The following NXPE2 variants were observed in gnomAD, a reference collection of about 807,000 sequenced individuals.
NXPE2 encodes NXPE family member 2.
A neutral mutation model predicts 34.4 loss-of-function variants in NXPE2; 34 were observed. That is an observed-to-expected ratio of 0.99 (90% CI 0.75 to 1.31). NXPE2 has a LOEUF of 1.31. Among genes scored for constraint, NXPE2 ranks in the 40% most tolerant of loss-of-function variants. The pLI is 0.00. For synonymous variants in NXPE2, 235 were observed against 231.3 expected, an observed-to-expected ratio of 1.02 and a Z score of -0.15; for missense variants, 649 against 672.5, an observed-to-expected ratio of 0.97 and a Z score of 0.39.
intron 2 of NXPE2, among the ~76,000 whole-genome samples, chr11:114,680,748 A>G (rs1950936970): frequency 6.6e-6 from 1 of 152,190 alleles, no homozygotes; most frequent in African/African-American, 2.4e-5. Flanking sequence ...CAAAGTATTA[A>G]CAAGCTCCTC....
intron 2 of NXPE2, among the ~76,000 whole-genome samples, chr11:114,685,774 T>C (rs190660548): frequency 6.6e-6 from 1 of 152,284 alleles, no homozygotes; most frequent in Admixed American, 6.5e-5. Context: ...CTATGCCTAA[T>C]TTTAAGGGTC....
the NXPE2 span, among the ~76,000 whole-genome samples, chr11:114,472,952 T>C: frequency 6.6e-6 from 1 of 152,190 alleles, no homozygotes; most frequent in Admixed American, 6.5e-5. Context: ...CAAAGAGGTT[T>C]TTGAGCAAGT....
the NXPE2 span, among the ~76,000 whole-genome samples, chr11:114,494,010 A>G: frequency 1.3e-5 from 2 of 152,070 alleles, no homozygotes; most frequent in Non-Finnish European, 2.9e-5. Flanking sequence ...TCAGCACTGA[A>G]TATGTTATGC....
At chr11:114,602,824 AATT>A in the NXPE2 span, among the ~76,000 whole-genome samples, 2 of 146,796 alleles carry the variant, frequency 1.4e-5, no homozygotes, top group African/African-American at 2.5e-5. Context: ...CATATATAAT[AATT>A]ATCTCATATA....
chr11:114,592,639 C>T, the NXPE2 span, among the ~76,000 whole-genome samples: 2 of 152,022 alleles, frequency 1.3e-5, no homozygotes, highest in Non-Finnish European at 2.9e-5. Flanking sequence ...CAAACCCTAT[C>T]AAAATACCAA....
At chr11:114,497,687 G>A in the NXPE2 span, among the ~76,000 whole-genome samples, 1 of 152,180 alleles carries the variant, frequency 6.6e-6, no homozygotes, top group Non-Finnish European at 1.5e-5. Flanking sequence ...AACATTGCTT[G>A]ATGCATTTCT....
At chr11:114,531,314 A>T in the NXPE2 span, among the ~76,000 whole-genome samples, 3 of 152,146 alleles carry the variant, frequency 2.0e-5, no homozygotes, top group South Asian at 6.2e-4. Flanking sequence ...TATGCCTTAC[A>T]TCCAGTAACA....
At chr11:114,790,858 TGTCCCTGAAGA>T in the NXPE2 span, among the ~76,000 whole-genome samples, 1 of 152,128 alleles carries the variant, frequency 6.6e-6, no homozygotes, top group African/African-American at 2.4e-5. Context: ...TCCCCCTCCC[TGTCCCTGAAGA>T]GTCCCCCAGG....
At chr11:114,665,787 T>C in the NXPE2 span, among the ~76,000 whole-genome samples, 3 of 152,148 alleles carry the variant, frequency 2.0e-5, no homozygotes, top group African/African-American at 7.2e-5. Flanking sequence ...GGTTTAAAGT[T>C]TCTCCTTGGA....
chr11:114,507,524 C>T, the NXPE2 span, among the ~76,000 whole-genome samples: 22,065 of 152,098 alleles, frequency 0.15, 1,776 homozygotes, highest in South Asian at 0.23. Context: ...TACAGCAGCA[C>T]ATCAAAAAGC....
chr11:114,667,801 C>T, the NXPE2 span, among the ~76,000 whole-genome samples: 1 of 152,130 alleles, frequency 6.6e-6, no homozygotes, highest in Non-Finnish European at 1.5e-5. Context: ...ATGAGCGTAT[C>T]TCCAGCTGCC....
chr11:114,494,687 T>C, the NXPE2 span, among the ~76,000 whole-genome samples: 2 of 152,212 alleles, frequency 1.3e-5, no homozygotes, highest in Non-Finnish European at 2.9e-5. Flanking sequence ...TCTCTTCCTC[T>C]CTGGGATTTG....
chr11:114,560,298 T>G, the NXPE2 span, among the ~76,000 whole-genome samples: 1 of 141,538 alleles, frequency 7.1e-6, no homozygotes, highest in South Asian at 2.2e-4. Context: ...TTGGACAAGG[T>G]TTTGCTCTGT....
intron 3 of NXPE2, 23 bp downstream of exon 3, chr11:114,698,801 T>C (rs1165425611): frequency 3.4e-6 from 5 of 1,466,578 alleles, no homozygotes; most frequent in Non-Finnish European, 4.5e-6. Context: ...TTAAATACAA[T>C]AGCAGATAAA....
chr11:114,648,405 C>G, the NXPE2 span, among the ~76,000 whole-genome samples: 2 of 152,156 alleles, frequency 1.3e-5, no homozygotes, highest in Admixed American at 1.3e-4. Context: ...GAAGAATTCT[C>G]TCTTACTCAG....
intron 2 of NXPE2, among the ~76,000 whole-genome samples, chr11:114,697,624 C>T (rs989111676): frequency 1.5e-4 from 23 of 152,194 alleles, no homozygotes; most frequent in Admixed American, 1.3e-4. Flanking sequence ...CTTCCTCCAA[C>T]AGCAGTGGAA....
upstream of NXPE2, among the ~76,000 whole-genome samples, chr11:114,675,976 G>A (rs1018916654): frequency 2.0e-5 from 3 of 151,834 alleles, no homozygotes; most frequent in Admixed American, 1.3e-4. Flanking sequence ...TTTGGACAAA[G>A]GTGCCAAAAG....
the NXPE2 span, among the ~76,000 whole-genome samples, chr11:114,639,817 A>AAATATAATATATATTATATTAAATATAC: frequency 1.1e-4 from 13 of 119,714 alleles, no homozygotes; most frequent in Non-Finnish European, 1.9e-4. Context: ...AAATAATATA[A>AAATATAATATATATTATATTAAATATAC]AATATAATAT....
the NXPE2 span, among the ~76,000 whole-genome samples, chr11:114,613,851 T>C: frequency 6.6e-6 from 1 of 151,852 alleles, no homozygotes; most frequent in Non-Finnish European, 1.5e-5. Flanking sequence ...ATAATACGTA[T>C]TGCCTAATAG....
Sources: gnomAD v4.1 joint callset for allele counts (sites outside exome capture counted in the v4.1 genomes callset) on GRCh38, gnomAD v4.1.1 for gene constraint, MANE v1.5 for transcripts, NCBI Gene and HGNC (gene_info 2026-07-23, HGNC 2026-07-21) for gene names.